The following CELF4 variants were observed in gnomAD, a reference collection of about 807,000 sequenced individuals.
CELF4 encodes the protein CUGBP Elav-like family member 4, also known as CUG-BP- and ETR-3-like factor 4.
In CELF4, 18 loss-of-function variants were observed where a neutral mutation model predicts 59.9. The observed-to-expected ratio is 0.30, with a 90% CI of 0.21 to 0.45. The LOEUF is 0.45. Among genes scored for constraint, CELF4 ranks in the 20% least tolerant of loss-of-function variants. The pLI is 1.00. For synonymous variants in CELF4, 261 were observed against 267.1 expected, an observed-to-expected ratio of 0.98 and a Z score of 0.22; for missense variants, 456 against 689.0, an observed-to-expected ratio of 0.66 and a Z score of 3.79.
At chr18:37,519,308 A>ACTG in intron 1 of CELF4, among the ~76,000 whole-genome samples, 1 of 152,166 alleles carries the variant, frequency 6.6e-6, no homozygotes, top group East Asian at 1.9e-4. Flanking sequence ...GGGTGGTGGT[A>ACTG]CTGCTCTTCT....
intron 2 of CELF4, among the ~76,000 whole-genome samples, chr18:37,338,106 A>ATCAG (rs1320316323): frequency 4.1e-5 from 4 of 98,014 alleles, no homozygotes; most frequent in South Asian, 4.6e-4. Flanking sequence ...TGTCACCACT[A>ATCAG]CTGTCACTGC....
intron 2 of CELF4, among the ~76,000 whole-genome samples, chr18:37,432,692 G>A (rs1474921905): frequency 1.3e-5 from 2 of 152,224 alleles, no homozygotes; most frequent in African/African-American, 4.8e-5. Flanking sequence ...CAGAGAAGCT[G>A]CTTCCTGTTT....
chr18:37,520,961 G>A (rs1335280297), intron 1 of CELF4, among the ~76,000 whole-genome samples: 3 of 151,966 alleles, frequency 2.0e-5, no homozygotes, highest in Non-Finnish European at 4.4e-5. Flanking sequence ...ACATTGCCAT[G>A]ACCCTCCAGA....
rs80352295 is a variant in CELF4, at chr18:37,394,233, G to T, written c.370-72352C>A. Among the ~76,000 whole-genome samples, 476 of 152,330 alleles carry T rather than the reference G, an allele frequency of 3.1e-3. 4 individuals are homozygous for T. Among genetic ancestry groups the T allele is most frequent in the African/African-American group, 0.011 (456 of 41,582 alleles). The stretch of plus-strand genomic sequence containing the variant: ...GCCACCTCCCACTCTGGACAGGCGC[G>T]AGGGGCGGGGCGGAGGGCGCGGGCA... On this transcript the variant is annotated intron_variant, in intron 2 of 12. Coordinates refer to ENST00000420428, the MANE Select transcript of CELF4 (RefSeq NM_020180.4).
In CELF4 at chr18:37,330,430, A is replaced by G. The variant is rs79279632; in HGVS notation, c.370-8549T>C. Among the ~76,000 whole-genome samples the G allele has an allele frequency of 3.1e-3, 470 of 152,312 alleles. 15 individuals are homozygous for G. In the East Asian group the frequency reaches 0.075, roughly 24 times the overall value. On this transcript the variant is annotated intron_variant, in intron 2 of 12. Transcript: ENST00000420428. ...ACACATTATTTCTAGCTTGTTGTAA[A>G]TATATTAATGCTTTAATTACCTCCT...
intron 2 of CELF4, among the ~76,000 whole-genome samples, chr18:37,455,359 C>T (rs1369601558): frequency 5.9e-5 from 9 of 152,200 alleles, no homozygotes; most frequent in African/African-American, 1.9e-4. Context: ...AGTGAGACCT[C>T]CTCTGCTTTT....
rs192957060 is a variant in CELF4, at chr18:37,476,359, C to G, written c.369+9166G>C. The stretch of plus-strand genomic sequence containing the variant: ...AAACACACTGTGCTCCTTCAGCCAC[C>G]AGAAGGGGATGCCACCCACATGGCG... On this transcript the variant is annotated intron_variant, in intron 2 of 12. Coordinates refer to ENST00000420428, the MANE Select transcript of CELF4 (RefSeq NM_020180.4). Among the ~76,000 whole-genome samples the G allele has an allele frequency of 6.1e-3, 928 of 152,282 alleles. 6 individuals carry two copies. The highest frequency in any genetic ancestry group is 8.3e-3 in the Non-Finnish European group (564 of 68,020).
intron 2 of CELF4, among the ~76,000 whole-genome samples, chr18:37,369,231 A>G (rs1406496606): frequency 6.6e-6 from 1 of 152,038 alleles, no homozygotes; most frequent in African/African-American, 2.4e-5. Flanking sequence ...CTCTCCCAGA[A>G]CACTGCAGTG....
chr18:37,465,141 G>A (rs1177923038), intron 2 of CELF4, among the ~76,000 whole-genome samples: 2 of 152,184 alleles, frequency 1.3e-5, no homozygotes, highest in African/African-American at 2.4e-5. Flanking sequence ...CCTTAGGAAA[G>A]CTCTTTGCAT....
Position 37,274,863 on chromosome 18 carries a change from G to A in CELF4, c.599C>T (p.Ser200Phe), listed in dbSNP as rs1447229046. The change falls in exon 5 of 13, where the codon TCC becomes TTC. Residue 200 changes from serine to phenylalanine, a missense_variant. Around this residue, in one of 7 missense-constraint regions of CELF4, gnomAD observed 56 missense variants for 92.0 expected, o/e 0.61. Coordinates refer to ENST00000420428, the MANE Select transcript of CELF4 (RefSeq NM_020180.4). ...NSKGCAFVKY[S>F]SHAEAQAAIN... ...GGCGGCCTGCGCCTCGGCGTGGGAG[G>A]AGTACTTCACAAAGGCGCACCCTGC... 5.6e-6 allele frequency: 9 copies of A among 1,608,340 alleles called. No individual in the cohort carries two copies. Among genetic ancestry groups the A allele is most frequent in the Non-Finnish European group, 7.6e-6 (9 of 1,178,250 alleles).
At chr18:37,372,589 A>G (rs945483426) in intron 2 of CELF4, among the ~76,000 whole-genome samples, 6 of 152,192 alleles carry the variant, frequency 3.9e-5, no homozygotes, top group Admixed American at 6.5e-5. Flanking sequence ...TATGTAACAA[A>G]CCTGCATGTT....
At chr18:37,359,709 C>A (rs942839613) in intron 2 of CELF4, among the ~76,000 whole-genome samples, 1 of 152,190 alleles carries the variant, frequency 6.6e-6, no homozygotes, top group African/African-American at 2.4e-5. Flanking sequence ...CCAACATGCC[C>A]AGCTAATTTT....
intron 9 of CELF4, chr18:37,266,279 C>T (rs72900324): frequency 0.099 from 57,900 of 585,970 alleles, 3,535 homozygotes; most frequent in Admixed American, 0.14. Context: ...GGTAACTGCC[C>T]AGCAAGGGTG....
Position 37,273,681 on chromosome 18 carries a change from C to T in CELF4, c.802-518G>A, listed in dbSNP as rs114222918. ...GGCTGCGGAATGTGGCCAAGGCGGA[C>T]AGTACTGCAGAAGTGAGGTAAGCTT... On this transcript the variant is annotated intron_variant, in intron 6 of 12. Transcript: ENST00000420428. The T allele has an allele frequency of 8.9e-4, 879 of 987,528 alleles. 5 individuals carry two copies. The African/African-American group carries it at 0.014, about 16-fold the overall frequency. 61.2% of individuals were successfully genotyped at this position (987,528 alleles called of 1,614,324 possible).
Position 37,548,781 on chromosome 18 carries a change from G to A in CELF4, c.286+16575C>T, listed in dbSNP as rs117508314. On this transcript the variant is annotated intron_variant, in intron 1 of 12. Coordinates refer to ENST00000420428, the MANE Select transcript of CELF4 (RefSeq NM_020180.4). ...AGCAAGGAGGTGAGGACACTGGTCCGTGCGGGAGCCAGAGCCAGCATGGGG... is the reference window on the plus strand; with the variant it reads ...AGCAAGGAGGTGAGGACACTGGTCCATGCGGGAGCCAGAGCCAGCATGGGG... 2.7e-3 allele frequency among the ~76,000 whole-genome samples: 416 copies of A among 152,328 alleles called. 2 individuals carry two copies. The highest frequency in any genetic ancestry group is 0.01 in the Middle Eastern group (3 of 294).
intron 1 of CELF4, among the ~76,000 whole-genome samples, chr18:37,496,324 A>T (rs34637097): frequency 0.35 from 53,885 of 152,048 alleles, 10,201 homozygotes; most frequent in East Asian, 0.55. Context: ...ACCAAGCCCC[A>T]GGATGGGGTT....
At chr18:37,330,319 G>A (rs1293970558) in intron 2 of CELF4, among the ~76,000 whole-genome samples, 5 of 152,174 alleles carry the variant, frequency 3.3e-5, no homozygotes, top group Admixed American at 6.5e-5. Context: ...TCTTGGAGTC[G>A]CTGTGGGAGG....
intron 2 of CELF4, among the ~76,000 whole-genome samples, chr18:37,460,129 A>G (rs2099789569): frequency 6.6e-6 from 1 of 152,336 alleles, no homozygotes; most frequent in South Asian, 2.1e-4. Context: ...AAGAATCACC[A>G]TGGCCCCAGG....
chr18:37,408,277 A>G (rs1043686880), intron 2 of CELF4, among the ~76,000 whole-genome samples: 5 of 152,174 alleles, frequency 3.3e-5, no homozygotes, highest in Non-Finnish European at 7.3e-5. Context: ...AGGAATTATG[A>G]GCAAGGTACC....
Sources: gnomAD v4.1 joint callset for allele counts (sites outside exome capture counted in the v4.1 genomes callset) on GRCh38, gnomAD v4.1.1 for gene constraint, gnomAD v4.1.1 regional missense constraint, MANE v1.5 for transcripts, NCBI Gene and HGNC (gene_info 2026-07-23, HGNC 2026-07-21) for gene names.